Variants in SND1 observed in about 807,000 individuals in gnomAD.
The protein encoded by SND1 is staphylococcal nuclease and tudor domain containing 1.
SND1 carries 38 observed loss-of-function variants against 121.7 expected under a neutral mutation model. The observed-to-expected ratio is 0.31, with a 90% CI of 0.24 to 0.41. The LOEUF (loss-of-function observed/expected upper bound fraction) is 0.41. SND1 is among the 10% of genes least tolerant of loss of function. The pLI, the probability that SND1 is intolerant of heterozygous loss-of-function variation, is 1.00. For synonymous variants in SND1, 401 were observed against 447.4 expected, an observed-to-expected ratio of 0.90 and a Z score of 1.31; for missense variants, 868 against 1,184.6, an observed-to-expected ratio of 0.73 and a Z score of 3.92.
chr7:128,055,865 C>G (rs1793133420), intron 16 of SND1, among the ~76,000 whole-genome samples: 1 of 152,106 alleles, frequency 6.6e-6, no homozygotes. Flanking sequence ...CCTCGGCTGT[C>G]TCAAAAACTT....
chr7:127,818,554 A>G (rs1798490555), intron 11 of SND1, among the ~76,000 whole-genome samples: 1 of 152,130 alleles, frequency 6.6e-6, no homozygotes. Context: ...GGGATTCTTA[A>G]TGTTCCTATT....
chr7:128,037,378 A>G (rs1310389181), intron 16 of SND1, among the ~76,000 whole-genome samples: 1 of 152,176 alleles, frequency 6.6e-6, no homozygotes, highest in Non-Finnish European at 1.5e-5. Flanking sequence ...GACACCTGTC[A>G]TTGGATTTAG....
intron 12 of SND1, chr7:127,857,747 A>G: frequency 1.6e-6 from 1 of 621,330 alleles, no homozygotes; most frequent in Non-Finnish European, 2.9e-6. Context: ...AGGGAAATTG[A>G]CTGAAAAATG....
intron 16 of SND1, chr7:128,027,030 G>A (rs1803494909): frequency 6.6e-6 from 1 of 152,212 alleles, no homozygotes; most frequent in South Asian, 2.1e-4. Flanking sequence ...GAATCTATAG[G>A]TTCAGGGTCT....
chr7:127,654,919 A>G (rs1795186053), intron 1 of SND1, among the ~76,000 whole-genome samples: 3 of 152,192 alleles, frequency 2.0e-5, no homozygotes, highest in South Asian at 4.1e-4. Flanking sequence ...GCAAAGTTGT[A>G]TTTTCCTGTA....
At chr7:128,013,709 T>C in intron 16 of SND1, among the ~76,000 whole-genome samples, 1 of 152,204 alleles carries the variant, frequency 6.6e-6, no homozygotes, top group East Asian at 1.9e-4. Flanking sequence ...CAGTTCACTA[T>C]AGGGTTCAAG....
chr7:127,929,467 A>G, intron 15 of SND1, 138 bp downstream of exon 15: 1 of 852,566 alleles, frequency 1.2e-6, no homozygotes, highest in South Asian at 1.7e-5. Context: ...ATATGCAAAC[A>G]CAGTTTCTAG....
intron 11 of SND1, among the ~76,000 whole-genome samples, chr7:127,843,263 T>C (rs573386516): frequency 1.3e-5 from 2 of 152,252 alleles, no homozygotes; most frequent in African/African-American, 4.8e-5. Flanking sequence ...ACAAAGTCCA[T>C]AGGGTTTGTG....
intron 16 of SND1, among the ~76,000 whole-genome samples, chr7:128,014,537 G>A (rs1803184733): frequency 1.3e-5 from 2 of 152,146 alleles, no homozygotes; most frequent in Admixed American, 6.5e-5. Flanking sequence ...CTTTCCCAAA[G>A]GCGGGTGGGA....
rs199542874 is a variant in SND1 at position 128,004,037 on chromosome 7, T to A, written c.1779+12981T>A. ...ACATCAGCAGCTTTGTAACTTACTTTCTTTTTTTTTTTTTTTTGCCCTATG... is the reference window on the plus strand; with the variant it reads ...ACATCAGCAGCTTTGTAACTTACTTACTTTTTTTTTTTTTTTTGCCCTATG... On this transcript the variant is annotated intron_variant, in intron 16 of 23. Transcript: ENST00000354725. Among the ~76,000 whole-genome samples, 96 of 149,686 alleles carry A rather than the reference T, an allele frequency of 6.4e-4. No homozygotes were observed. In the East Asian group the frequency reaches 0.014, roughly 22 times the overall value.
At chr7:127,787,108 C>T (rs1459133708) in intron 10 of SND1, among the ~76,000 whole-genome samples, 3 of 152,206 alleles carry the variant, frequency 2.0e-5, no homozygotes, top group Non-Finnish European at 4.4e-5. Flanking sequence ...GTTTCTACCC[C>T]ATCTCCTTGT....
intron 22 of SND1, 195 bp downstream of exon 22, chr7:128,089,887 G>A (rs780893576): frequency 4.8e-5 from 28 of 588,802 alleles, no homozygotes; most frequent in African/African-American, 9.3e-5. Context: ...AATTGGCTGC[G>A]GGTTTGGCTG....
chr7:128,030,611 G>A (rs779492619), intron 16 of SND1: 2 of 1,577,590 alleles, frequency 1.3e-6, no homozygotes, highest in Non-Finnish European at 1.7e-6. Flanking sequence ...AGGTGTGGTG[G>A]TGCACAGTTA....
intron 16 of SND1, among the ~76,000 whole-genome samples, chr7:128,057,373 G>A (rs1032670883): frequency 1.1e-4 from 16 of 152,158 alleles, no homozygotes; most frequent in African/African-American, 3.6e-4. Context: ...TTTCGTCGCT[G>A]GTAATATAGA....
At chr7:127,996,916 T>G (rs771452805) in intron 16 of SND1, among the ~76,000 whole-genome samples, 11 of 152,196 alleles carry the variant, frequency 7.2e-5, no homozygotes, top group Non-Finnish European at 1.5e-4. Context: ...CCACCAGTGG[T>G]CTTTAATTTC....
intron 17 of SND1, among the ~76,000 whole-genome samples, chr7:128,080,881 A>G (rs1793587790): frequency 1.3e-5 from 2 of 151,772 alleles, no homozygotes; most frequent in Admixed American, 1.3e-4. Flanking sequence ...TAGAGAACTC[A>G]CCTTTCCCCT....
chr7:127,926,408 C>T (rs1186124033), intron 14 of SND1, among the ~76,000 whole-genome samples: 1 of 152,128 alleles, frequency 6.6e-6, no homozygotes, highest in Non-Finnish European at 1.5e-5. Context: ...ACAGGCATAT[C>T]ACCTCATCCA....
Position 127,986,294 on chromosome 7 carries a change from A to AT in SND1, c.1670-4646dup, listed in dbSNP as rs537385854. Reference sequence around the variant, plus strand: ...GTTAGTCAATGTCTCTAAATGTATAATTTTTTTAATAGAATGATTGCTCCA... The same window carrying AT: ...GTTAGTCAATGTCTCTAAATGTATAATTTTTTTTAATAGAATGATTGCTCCA... On this transcript the variant is annotated intron_variant, in intron 15 of 23. Coordinates refer to ENST00000354725, the MANE Select transcript of SND1 (RefSeq NM_014390.4). Among the ~76,000 whole-genome samples, 11 of 152,180 alleles carry AT rather than the reference A, an allele frequency of 7.2e-5. No homozygotes were observed. In the South Asian group the frequency reaches 2.3e-3, roughly 32 times the overall value.
rs550417724 is a variant in SND1, at chr7:128,012,878, G to A, written c.1779+21822G>A. ...AGTTTATGTTTTGCTAAGCAATACC[G>A]AAGCAGAGGAAGCGTTATGGACTGC... On this transcript the variant is annotated intron_variant, in intron 16 of 23. Transcript: ENST00000354725. Among the ~76,000 whole-genome samples the A allele has an allele frequency of 3.9e-5, 6 of 152,202 alleles. No individual in the cohort carries two copies. In the East Asian group the frequency reaches 5.8e-4, roughly 15 times the overall value.
Sources: gnomAD v4.1 joint callset for allele counts (sites outside exome capture counted in the v4.1 genomes callset) on GRCh38, gnomAD v4.1.1 for gene constraint, MANE v1.5 for transcripts, NCBI Gene and HGNC (gene_info 2026-07-23, HGNC 2026-07-21) for gene names.